SATB2: variants seen among roughly 807,000 people sequenced by gnomAD.
SATB2 encodes DNA-binding protein SATB2.
A neutral mutation model predicts 73.4 loss-of-function variants in SATB2; 1 was observed. The ratio of observed to expected loss-of-function variants is 0.01; its 90% CI spans 0.00 to 0.06. SATB2 has a LOEUF of 0.06. Among genes scored for constraint, SATB2 ranks in the 10% least tolerant of loss-of-function variants. The pLI is 1.00. For synonymous variants in SATB2, 397 were observed against 367.0 expected (o/e 1.08, Z -0.93); for missense variants, 459 against 945.8 (o/e 0.49, Z 6.75).
At chr2:199,393,015 G>T (rs1226318462) in intron 3 of SATB2, among the ~76,000 whole-genome samples, 1 of 152,044 alleles carries the variant, frequency 6.6e-6, no homozygotes, top group African/African-American at 2.4e-5. Context: ...AAGACCCTAG[G>T]ATAGGAAATT....
At chr2:199,397,805 C>T (rs1429192203) in intron 3 of SATB2, 2 of 415,390 alleles carry the variant, frequency 4.8e-6, no homozygotes, top group African/African-American at 4.2e-5. Context: ...GGGAGGATCC[C>T]TTAAATCCAG....
intron 10 of SATB2, among the ~76,000 whole-genome samples, chr2:199,294,408 G>A (rs7557687): frequency 0.72 from 110,155 of 152,060 alleles, 44,234 homozygotes; most frequent in Non-Finnish European, 0.89. Context: ...ATTGTCAACT[G>A]ACAGACCATC....
chr2:199,467,715 G>A (rs1288350830), upstream of SATB2, among the ~76,000 whole-genome samples: 2 of 152,114 alleles, frequency 1.3e-5, no homozygotes, highest in Non-Finnish European at 1.5e-5. Context: ...GGGCAGTCAG[G>A]TCAAGGTCTT....
chr2:199,309,539 T>C (rs1687535527), intron 9 of SATB2, among the ~76,000 whole-genome samples: 1 of 152,192 alleles, frequency 6.6e-6, no homozygotes, highest in Admixed American at 6.5e-5. Flanking sequence ...AACCATCACC[T>C]TCCCGCAACA....
chr2:199,443,248 A>T (rs1484056514), intron 2 of SATB2, among the ~76,000 whole-genome samples: 6 of 150,494 alleles, frequency 4.0e-5, no homozygotes, highest in Admixed American at 6.7e-5. Flanking sequence ...TCAAACAATT[A>T]AAAAAAAACA....
chr2:199,470,138 A>G (rs775649236), intron 1 of SATB2: 5 of 152,424 alleles, frequency 3.3e-5, no homozygotes, highest in Non-Finnish European at 5.9e-5. Context: ...GCTCGGGTTC[A>G]GCCCAGTCGG....
intron 2 of SATB2, among the ~76,000 whole-genome samples, chr2:199,446,261 G>A (rs1170866071): frequency 6.6e-6 from 1 of 152,144 alleles, no homozygotes; most frequent in Non-Finnish European, 1.5e-5. Flanking sequence ...CTTGTATACA[G>A]GGGAGAGGGA....
At chr2:199,374,927 G>A (rs1189757738) in intron 5 of SATB2, among the ~76,000 whole-genome samples, 2 of 150,628 alleles carry the variant, frequency 1.3e-5, no homozygotes, top group East Asian at 2.0e-4. Context: ...TCATGCCACT[G>A]TACTCCAGCC....
intron 6 of SATB2, among the ~76,000 whole-genome samples, chr2:199,351,029 CAAAAA>C: frequency 1.4e-5 from 1 of 71,688 alleles, no homozygotes; most frequent in Admixed American, 1.5e-4. Context: ...ACTCTGTCTC[CAAAAA>C]AAAAAAAAAA....
At chr2:199,317,688 G>T (rs1687773086) in intron 9 of SATB2, among the ~76,000 whole-genome samples, 1 of 151,924 alleles carries the variant, frequency 6.6e-6, no homozygotes, top group Non-Finnish European at 1.5e-5. Flanking sequence ...GTGGTAAAAA[G>T]AACCCAATTC....
intron 8 of SATB2, among the ~76,000 whole-genome samples, chr2:199,325,667 C>T (rs1688008760): frequency 2.0e-5 from 3 of 152,168 alleles, no homozygotes; most frequent in Admixed American, 1.3e-4. Flanking sequence ...ACTATCTCAT[C>T]CTACCTGATT....
chr2:199,277,916 C>T (rs749191216), intron 10 of SATB2, among the ~76,000 whole-genome samples: 5 of 152,160 alleles, frequency 3.3e-5, no homozygotes, highest in Non-Finnish European at 7.3e-5. Context: ...CAGAACTGGG[C>T]TTGTCAAGCA....
intron 6 of SATB2, among the ~76,000 whole-genome samples, chr2:199,366,248 C>T (rs1402646423): frequency 2.6e-5 from 4 of 152,102 alleles, no homozygotes; most frequent in African/African-American, 4.8e-5. Flanking sequence ...GGTTTCACTA[C>T]TACTGGTTTC....
intron 10 of SATB2, among the ~76,000 whole-genome samples, chr2:199,303,409 C>A (rs931489303): frequency 2.6e-5 from 4 of 152,150 alleles, no homozygotes; most frequent in African/African-American, 9.7e-5. Context: ...GAAGGAGAAG[C>A]AGCAGCAGTG....
intron 9 of SATB2, among the ~76,000 whole-genome samples, chr2:199,314,459 T>C (rs1687676358): frequency 1.3e-5 from 2 of 152,034 alleles, no homozygotes. Flanking sequence ...ATTATATAAA[T>C]TGCAAATAGT....
In SATB2 at chr2:199,271,568, A is replaced by T. The variant is rs1692158788; in HGVS notation, c.*643T>A. 2 of 152,446 alleles carry T rather than the reference A, an allele frequency of 1.3e-5. No homozygotes were observed. The highest frequency in any genetic ancestry group is 2.9e-5 in the Non-Finnish European group (2 of 68,006). The allele number at this position is 152,446 out of a possible 1,614,324, so 9.4% of individuals were successfully genotyped here. A position where few individuals can be genotyped will look rare whatever the true frequency, so the allele number is the denominator to read the frequency against. Reference sequence around the variant, plus strand: ...ATAGGAAGCCATAGAATTAAAAAAAAAAAATCAGGGACAAACACAAAAAAT... The same window carrying T: ...ATAGGAAGCCATAGAATTAAAAAAATAAAATCAGGGACAAACACAAAAAAT... On this transcript the variant is annotated 3_prime_UTR_variant, in exon 11 of 11. Coordinates refer to ENST00000417098, the MANE Select transcript of SATB2 (RefSeq NM_001172509.2).
At chr2:199,441,498 G>T (rs1336190734) in intron 2 of SATB2, among the ~76,000 whole-genome samples, 1 of 152,156 alleles carries the variant, frequency 6.6e-6, no homozygotes, top group Non-Finnish European at 1.5e-5. Flanking sequence ...GGGCAATGGG[G>T]TTGAGAATGA....
At position 199,374,936 on chromosome 2, in the gene SATB2, C is replaced by T. The variant is rs1030820543; in HGVS notation, c.597+5428G>A. Among the ~76,000 whole-genome samples, 5 of 151,656 alleles carry T rather than the reference C, an allele frequency of 3.3e-5. No homozygotes were observed. The South Asian group carries it at 1.0e-3, about 32-fold the overall frequency. ...CTGAGATCATGCCACTGTACTCCAG[C>T]CTGGGCAACCCAGGGAGACTCCGTC... is the stretch of plus-strand genomic sequence containing the variant. On this transcript the variant is annotated intron_variant, in intron 5 of 10. Coordinates refer to ENST00000417098, the MANE Select transcript of SATB2 (RefSeq NM_001172509.2).
intron 10 of SATB2, among the ~76,000 whole-genome samples, chr2:199,293,541 A>G (rs1252468427): frequency 6.6e-6 from 1 of 152,192 alleles, no homozygotes; most frequent in African/African-American, 2.4e-5. Flanking sequence ...CAAAGAAAAT[A>G]TGAGCCTTAA....
Sources: allele counts gnomAD v4.1 joint callset (sites outside exome capture counted in the v4.1 genomes callset), GRCh38; gene constraint gnomAD v4.1.1; transcripts MANE v1.5; gene names NCBI Gene and HGNC (gene_info 2026-07-23, HGNC 2026-07-21).